CCDC69: variants seen among roughly 807,000 people sequenced by gnomAD.
CCDC69 encodes the protein coiled-coil domain containing 69.
Under a neutral mutation model 40.3 loss-of-function variants are expected in CCDC69, and 38 were observed. The observed-to-expected ratio is 0.94, with a 90% confidence interval of 0.73 to 1.24. CCDC69 has a LOEUF of 1.24. CCDC69 is among the 50% of genes most tolerant of loss of function. CCDC69 has a pLI of 0.00. For synonymous variants in CCDC69, 141 were observed against 138.9 expected, an observed-to-expected ratio of 1.02 and a Z score of -0.11; for missense variants, 389 against 357.9, an observed-to-expected ratio of 1.09 and a Z score of -0.70.
chr5:151,218,375 T>C (rs1451778761), intron 1 of CCDC69, among the ~76,000 whole-genome samples: 1 of 152,156 alleles, frequency 6.6e-6, no homozygotes, highest in African/African-American at 2.4e-5. Context: ...CTCACAGTGC[T>C]GAGGGAGGAT....
At position 151,213,388 on chromosome 5, in the gene CCDC69, A is replaced by G. The variant is rs544199602; in HGVS notation, c.49-7913T>C. 6.6e-5 allele frequency among the ~76,000 whole-genome samples: 10 copies of G among 150,538 alleles called. No individual in the cohort carries two copies. In the East Asian group the frequency reaches 2.0e-3, roughly 30 times the overall value. Reference sequence around the variant, plus strand: ...CAGCCTCCTGAGTAGCTGGGACTACAGGTGCCCACCACCATGTCCGGCTAT... The same window carrying G: ...CAGCCTCCTGAGTAGCTGGGACTACGGGTGCCCACCACCATGTCCGGCTAT... On this transcript the variant is annotated intron_variant, in intron 1 of 8. Coordinates refer to ENST00000355417, the MANE Select transcript of CCDC69 (RefSeq NM_015621.3).
chr5:151,198,290 T>TTATCTATC (rs1561600862), intron 4 of CCDC69, among the ~76,000 whole-genome samples: 10 of 132,420 alleles, frequency 7.6e-5, no homozygotes, highest in South Asian at 2.4e-4. Context: ...AGAATGAGAT[T>TTATCTATC]GATCTATCTA....
chr5:151,207,931 A>G (rs1012695409), intron 1 of CCDC69, among the ~76,000 whole-genome samples: 1 of 152,188 alleles, frequency 6.6e-6, no homozygotes, highest in East Asian at 1.9e-4. Flanking sequence ...AAGATGTTCT[A>G]GATTCAATTT....
At chr5:151,190,162 A>G (rs1752585895) in intron 4 of CCDC69, among the ~76,000 whole-genome samples, 1 of 152,246 alleles carries the variant, frequency 6.6e-6, no homozygotes, top group South Asian at 2.1e-4. Flanking sequence ...GAGTAACAGA[A>G]CTGGTAAAGA....
intron 1 of CCDC69, among the ~76,000 whole-genome samples, chr5:151,222,268 T>C (rs1753144947): frequency 6.6e-6 from 1 of 152,246 alleles, no homozygotes; most frequent in African/African-American, 2.4e-5. Flanking sequence ...AGACAGGCTG[T>C]GCCAGCTTTA....
At position 151,185,359 on chromosome 5, in the gene CCDC69, A is replaced by C. The variant is rs1752479903; in HGVS notation, c.615+63T>G. On this transcript the variant is annotated intron_variant, in intron 7 of 8. Coordinates refer to ENST00000355417, the MANE Select transcript of CCDC69 (RefSeq NM_015621.3). The stretch of plus-strand genomic sequence containing the variant: ...ACCACCTCCCCTCTGCATGCTTTAC[A>C]AAGGAAACACCCAGAAAGCGGGAGC... The C allele has an allele frequency of 3.1e-6, 5 of 1,592,812 alleles. No individual in the cohort carries two copies. In the African/African-American group the frequency reaches 6.7e-5, roughly 21 times the overall value.
In CCDC69 at chr5:151,182,390, GC is replaced by G. The variant is rs1238207482; in HGVS notation, c.*1046del. The G allele has an allele frequency of 6.5e-6, 1 of 152,760 alleles. No individual in the cohort carries two copies. Among genetic ancestry groups the G allele is most frequent in the African/African-American group, 2.4e-5 (1 of 41,448 alleles). 9.5% of individuals were successfully genotyped at this position (152,760 alleles called of 1,614,324 possible). The stretch of plus-strand genomic sequence containing the variant: ...TGAGCACCAGGTTGTAAAAGCCTGG[GC>G]CTGGGATCAGGGGCAGTGGGAGGAG... On this transcript the variant is annotated 3_prime_UTR_variant, in exon 9 of 9. Coordinates refer to ENST00000355417, the MANE Select transcript of CCDC69 (RefSeq NM_015621.3).
chr5:151,194,209 C>T (rs57099792), intron 4 of CCDC69, among the ~76,000 whole-genome samples: 1 of 152,108 alleles, frequency 6.6e-6, no homozygotes, highest in African/African-American at 2.4e-5. Flanking sequence ...GTGTATTCAC[C>T]CAAGATAAAT....
intron 4 of CCDC69, among the ~76,000 whole-genome samples, chr5:151,187,755 G>A (rs1477847174): frequency 6.6e-6 from 1 of 152,222 alleles, no homozygotes; most frequent in African/African-American, 2.4e-5. Flanking sequence ...AGATCTTGCA[G>A]GAAGCATGTT....
In CCDC69 at chr5:151,187,307, T is replaced by C. The variant is rs1752537774; in HGVS notation, c.393+79A>G. ...CTAGGCACACGTAATCAGTTTTGGC[T>C]GCCTTGGGGCTCCATGCTGCTTTCC... On this transcript the variant is annotated intron_variant, in intron 5 of 8. Transcript: ENST00000355417. 5 of 1,329,126 alleles carry C rather than the reference T, an allele frequency of 3.8e-6. No homozygotes were observed. In the South Asian group the frequency reaches 6.0e-5, roughly 16 times the overall value. The allele number at this position is 1,329,126 out of a possible 1,614,324, so 82.3% of individuals were successfully genotyped here.
chr5:151,196,648 G>A (rs1364287487), intron 4 of CCDC69, among the ~76,000 whole-genome samples: 8 of 152,158 alleles, frequency 5.3e-5, no homozygotes, highest in Non-Finnish European at 8.8e-5. Context: ...TAGGCATTAG[G>A]GAAATGCAAA....
chr5:151,206,707 T>C (rs1434629513), intron 1 of CCDC69, among the ~76,000 whole-genome samples: 1 of 151,218 alleles, frequency 6.6e-6, no homozygotes, highest in Non-Finnish European at 1.5e-5. Context: ...CTCGGCTCAC[T>C]GTAACCTCCA....
chr5:151,223,539 G>A (rs931289148), intron 1 of CCDC69, among the ~76,000 whole-genome samples: 6 of 152,380 alleles, frequency 3.9e-5, no homozygotes, highest in Middle Eastern at 3.4e-3. Flanking sequence ...GAGATTATCA[G>A]CCTTTAACCC....
chr5:151,216,032 C>T (rs1753033252), intron 1 of CCDC69, among the ~76,000 whole-genome samples: 3 of 152,244 alleles, frequency 2.0e-5, no homozygotes, highest in Admixed American at 6.5e-5. Flanking sequence ...ATTCTTGGCT[C>T]ACTGCAACGT....
intron 1 of CCDC69, among the ~76,000 whole-genome samples, chr5:151,209,211 C>T (rs1333922521): frequency 6.6e-6 from 1 of 152,238 alleles, no homozygotes; most frequent in Admixed American, 6.5e-5. Flanking sequence ...TGAAATAATG[C>T]AACTGCAGTG....
chr5:151,208,697 A>C lies in CCDC69; in HGVS notation c.49-3222T>G, dbSNP rs114005043. ...CTCCCCACCCTGGGCTGGAGGAAGAAGGGAGATAAACATAAATGGTTGTCT... is the reference window on the plus strand; with the variant it reads ...CTCCCCACCCTGGGCTGGAGGAAGACGGGAGATAAACATAAATGGTTGTCT... On this transcript the variant is annotated intron_variant, in intron 1 of 8. Transcript: ENST00000355417. Among the ~76,000 whole-genome samples, 796 of 152,382 alleles carry C rather than the reference A, an allele frequency of 5.2e-3. 7 individuals carry two copies. The highest frequency in any genetic ancestry group is 0.018 in the African/African-American group (762 of 41,592).
chr5:151,194,921 C>T (rs1050787512), intron 4 of CCDC69, among the ~76,000 whole-genome samples: 5 of 142,726 alleles, frequency 3.5e-5, no homozygotes, highest in Admixed American at 3.5e-4. Context: ...AGAATCTATA[C>T]ATGCATTAGA....
chr5:151,195,709 A>G (rs1752689345), intron 4 of CCDC69, among the ~76,000 whole-genome samples: 1 of 91,958 alleles, frequency 1.1e-5, no homozygotes, highest in African/African-American at 4.8e-5. Flanking sequence ...ACAGAGTGAG[A>G]CTCCATCTCA....
chr5:151,223,772 G>A (rs1753171846), intron 1 of CCDC69, 151 bp downstream of exon 1: 1 of 672,268 alleles, frequency 1.5e-6, no homozygotes. Context: ...TCCCAGCAGA[G>A]CCTCCCTCGT....
Sources: gnomAD v4.1 joint callset for allele counts (sites outside exome capture counted in the v4.1 genomes callset) on GRCh38, gnomAD v4.1.1 for gene constraint, MANE v1.5 for transcripts, NCBI Gene and HGNC (gene_info 2026-07-23, HGNC 2026-07-21) for gene names.